The following DLG2 variants were observed in gnomAD, a reference collection of about 807,000 sequenced individuals.
The protein encoded by DLG2 is disks large homolog 2.
Under a neutral mutation model 132.5 loss-of-function variants are expected in DLG2, and 45 were observed. The ratio of observed to expected loss-of-function variants is 0.34; its 90% CI spans 0.27 to 0.44. DLG2 has a LOEUF of 0.44. Ranked by LOEUF, DLG2 falls within the 20% of genes least tolerant of loss-of-function variation. DLG2 has a pLI of 1.00. For synonymous variants in DLG2, 424 were observed against 419.6 expected, an observed-to-expected ratio of 1.01 and a Z score of -0.13; for missense variants, 1,045 against 1,196.9, an observed-to-expected ratio of 0.87 and a Z score of 1.87.
Position 84,670,760 on chromosome 11 carries a change from T to C in DLG2, c.358-136029A>G, listed in dbSNP as rs148531838. ...AAGATTTGAACTTAGTCCTGTCTGA[T>C]TCAAAGCCCCTGTTCTTTCCATCAT... On this transcript the variant is annotated intron_variant, in intron 6 of 27. Transcript: ENST00000376104. 7.8e-4 allele frequency among the ~76,000 whole-genome samples: 119 copies of C among 152,270 alleles called. 2 individuals carry two copies. In the Middle Eastern group the frequency reaches 0.01, roughly 13 times the overall value.
chr11:85,084,872 A>G (rs2067703292), intron 6 of DLG2, among the ~76,000 whole-genome samples: 1 of 152,204 alleles, frequency 6.6e-6, no homozygotes, highest in Non-Finnish European at 1.5e-5. Flanking sequence ...CATTTTCATT[A>G]GAGAAAGCAC....
chr11:83,712,012 C>G (rs559456558), intron 18 of DLG2, among the ~76,000 whole-genome samples: 1 of 151,976 alleles, frequency 6.6e-6, no homozygotes, highest in African/African-American at 2.4e-5. Flanking sequence ...ACAAAAAAAC[C>G]GGATCTTGGT....
At chr11:84,755,808 T>A (rs545979028) in intron 6 of DLG2, among the ~76,000 whole-genome samples, 1 of 152,328 alleles carries the variant, frequency 6.6e-6, no homozygotes, top group Admixed American at 6.5e-5. Context: ...CCTGCCCAAT[T>A]TTCAATATAT....
intron 21 of DLG2, among the ~76,000 whole-genome samples, chr11:83,527,582 G>C (rs2095639074): frequency 6.6e-6 from 1 of 152,002 alleles, no homozygotes; most frequent in Admixed American, 6.6e-5. Flanking sequence ...TATGTAAACT[G>C]TCTGGGTTTT....
chr11:84,103,056 G>C (rs1204097218), intron 9 of DLG2, among the ~76,000 whole-genome samples: 1 of 152,084 alleles, frequency 6.6e-6, no homozygotes, highest in Non-Finnish European at 1.5e-5. Flanking sequence ...AAGCATCCCT[G>C]AAAGCTTTTG....
chr11:85,199,919 T>C (rs2081329403), intron 4 of DLG2, among the ~76,000 whole-genome samples: 1 of 152,020 alleles, frequency 6.6e-6, no homozygotes, highest in Non-Finnish European at 1.5e-5. Flanking sequence ...GCAGAATATT[T>C]TTGTAGTGAG....
intron 21 of DLG2, among the ~76,000 whole-genome samples, chr11:83,511,410 C>T (rs2095027867): frequency 6.6e-6 from 1 of 152,128 alleles, no homozygotes. Context: ...ACGGTCTACT[C>T]ATTCTCAAGT....
In DLG2 at chr11:84,742,736, G is replaced by T. The variant is rs866642405; in HGVS notation, c.358-208005C>A. 2.6e-5 allele frequency among the ~76,000 whole-genome samples: 4 copies of T among 152,196 alleles called. No individual in the cohort carries two copies. The South Asian group carries it at 6.2e-4, about 24-fold the overall frequency. On this transcript the variant is annotated intron_variant, in intron 6 of 27. Coordinates refer to ENST00000376104, the MANE Select transcript of DLG2 (RefSeq NM_001142699.3). ...GGTTTGGATAAATGCATAATGACAG[G>T]TATCAGCAATTATTGTATCATATAG...
intron 6 of DLG2, among the ~76,000 whole-genome samples, chr11:84,735,208 G>T (rs2063673179): frequency 6.6e-6 from 1 of 152,160 alleles, no homozygotes; most frequent in Admixed American, 6.6e-5. Context: ...GTTTCAGAAG[G>T]AATGGTACCA....
chr11:84,141,332 A>G (rs2094836166), intron 9 of DLG2, among the ~76,000 whole-genome samples: 1 of 151,646 alleles, frequency 6.6e-6, no homozygotes, highest in African/African-American at 2.4e-5. Context: ...ATATAAATAT[A>G]TATGAAACAA....
chr11:85,335,241 CTT>C (rs34680409), intron 3 of DLG2, among the ~76,000 whole-genome samples: 63 of 148,322 alleles, frequency 4.2e-4, no homozygotes, highest in African/African-American at 1.5e-3. Context: ...AGCATCTCTG[CTT>C]TTTTTTTTTG....
At chr11:83,791,104 C>A in intron 17 of DLG2, 1 of 674,270 alleles carries the variant, frequency 1.5e-6, no homozygotes, top group Non-Finnish European at 2.6e-6. Context: ...GAAGAGTGGC[C>A]TTGACTCTCA....
intron 21 of DLG2, among the ~76,000 whole-genome samples, chr11:83,491,794 C>T (rs886681516): frequency 1.3e-5 from 2 of 151,986 alleles, no homozygotes; most frequent in South Asian, 2.1e-4. Flanking sequence ...TCTCATCTTG[C>T]ACCCTTCTCC....
intron 4 of DLG2, among the ~76,000 whole-genome samples, chr11:85,233,289 C>T (rs1043128490): frequency 6.6e-6 from 1 of 151,800 alleles, no homozygotes; most frequent in South Asian, 2.1e-4. Context: ...GCATATGTGG[C>T]ATCTTTAGAG....
chr11:84,910,579 G>C (rs2091961034), intron 6 of DLG2, among the ~76,000 whole-genome samples: 1 of 152,120 alleles, frequency 6.6e-6, no homozygotes, highest in Admixed American at 6.5e-5. Flanking sequence ...CCATAAGAGA[G>C]ACTCAATTAA....
chr11:85,138,111 ACCC>A (rs1177572495), intron 5 of DLG2, among the ~76,000 whole-genome samples: 21 of 152,160 alleles, frequency 1.4e-4, no homozygotes, highest in Non-Finnish European at 2.9e-4. Context: ...TTTAGTTTTA[ACCC>A]ATCTTTTAAT....
At chr11:85,187,631 G>T (rs1218521410) in intron 4 of DLG2, among the ~76,000 whole-genome samples, 1 of 152,168 alleles carries the variant, frequency 6.6e-6, no homozygotes, top group Non-Finnish European at 1.5e-5. Flanking sequence ...CTACAGGTAA[G>T]AGAGTGGAAA....
chr11:84,738,316 T>C (rs189325094), intron 6 of DLG2, among the ~76,000 whole-genome samples: 24 of 152,138 alleles, frequency 1.6e-4, no homozygotes, highest in African/African-American at 5.8e-4. Context: ...ACATAATATA[T>C]TCTTTTTCAG....
chr11:84,722,839 G>A (rs2153799973), intron 6 of DLG2, among the ~76,000 whole-genome samples: 1 of 152,280 alleles, frequency 6.6e-6, no homozygotes, highest in African/African-American at 2.4e-5. Flanking sequence ...TCCTTGCCTA[G>A]TAGATTTCTC....
Sources: allele counts gnomAD v4.1 joint callset (sites outside exome capture counted in the v4.1 genomes callset), GRCh38; gene constraint gnomAD v4.1.1; transcripts MANE v1.5; gene names NCBI Gene and HGNC (gene_info 2026-07-23, HGNC 2026-07-21).